Variants in LRRC37A2 observed in about 807,000 individuals in gnomAD.
The protein encoded by LRRC37A2 is leucine-rich repeat-containing protein 37A2.
In LRRC37A2, 9 loss-of-function variants were observed where a neutral mutation model predicts 68.8. The ratio of observed to expected loss-of-function variants is 0.13; its 90% confidence interval spans 0.08 to 0.23. The LOEUF (loss-of-function observed/expected upper bound fraction) is 0.23. Ranked by LOEUF, LRRC37A2 falls within the 10% of genes least tolerant of loss-of-function variation. The pLI is 1.00. For synonymous variants in LRRC37A2, 63 were observed against 367.6 expected (o/e 0.17, Z 9.48); for missense variants, 168 against 950.4 (o/e 0.18, Z 10.82).
the LRRC37A2 span, chr17:46,940,093 C>G: frequency 6.2e-5 from 71 of 1,141,024 alleles, no homozygotes; most frequent in African/African-American, 1.1e-3. Flanking sequence ...GTCTTATTTC[C>G]CTTCCTTTCT....
the LRRC37A2 span, among the ~76,000 whole-genome samples, chr17:47,028,678 T>A: frequency 6.6e-6 from 1 of 151,938 alleles, no homozygotes; most frequent in Admixed American, 6.6e-5. Flanking sequence ...GGAGCCGAGG[T>A]GGGTGGATCA....
chr17:46,762,099 C>A, the LRRC37A2 span, among the ~76,000 whole-genome samples: 1 of 152,204 alleles, frequency 6.6e-6, no homozygotes, highest in Non-Finnish European at 1.5e-5. Flanking sequence ...TAGAGAAAAT[C>A]CTATTTTCCC....
the LRRC37A2 span, among the ~76,000 whole-genome samples, chr17:46,771,377 G>A: frequency 1.3e-5 from 2 of 151,734 alleles, no homozygotes; most frequent in African/African-American, 2.4e-5. Flanking sequence ...CGGGGAAGAG[G>A]GGCCGAGGGC....
At chr17:46,727,683 G>A in the LRRC37A2 span, among the ~76,000 whole-genome samples, 1 of 152,084 alleles carries the variant, frequency 6.6e-6, no homozygotes, top group Non-Finnish European at 1.5e-5. Flanking sequence ...CCCAGTTTAT[G>A]GGATGATTTC....
the LRRC37A2 span, among the ~76,000 whole-genome samples, chr17:46,379,794 TTTG>T: frequency 3.7e-5 from 2 of 54,156 alleles, no homozygotes; most frequent in East Asian, 5.8e-4. Flanking sequence ...CTATGCCTAA[TTTG>T]TTGAGAGTTT....
chr17:46,738,793 G>C, the LRRC37A2 span, among the ~76,000 whole-genome samples: 4 of 152,232 alleles, frequency 2.6e-5, no homozygotes, highest in Non-Finnish European at 5.9e-5. Flanking sequence ...TTCATGAGCT[G>C]TTCATACAGT....
chr17:46,755,638 G>T, the LRRC37A2 span: 2 of 755,910 alleles, frequency 2.6e-6, no homozygotes, highest in African/African-American at 1.8e-5. Flanking sequence ...GCATGGAGCT[G>T]TGACCATTTT....
downstream of LRRC37A2, among the ~76,000 whole-genome samples, chr17:46,558,015 G>T (rs1223126377): frequency 1.5e-5 from 2 of 137,120 alleles, no homozygotes; most frequent in Non-Finnish European, 3.1e-5. Context: ...CATTGAAAAA[G>T]GCTGCCAGAG....
chr17:46,749,647 G>GT, the LRRC37A2 span: 70 of 845,862 alleles, frequency 8.3e-5, no homozygotes, highest in African/African-American at 1.1e-3. Context: ...GTTTTCTTCT[G>GT]TTTTGCCTAA....
At chr17:46,522,675 A>G (rs1380957651) in intron 4 of LRRC37A2, among the ~76,000 whole-genome samples, 1 of 51,052 alleles carries the variant, frequency 2.0e-5, no homozygotes, top group African/African-American at 9.2e-5. Flanking sequence ...CGATATCCTG[A>G]CCTCAGGATC....
the LRRC37A2 span, among the ~76,000 whole-genome samples, chr17:46,490,741 C>T: frequency 6.7e-6 from 1 of 149,872 alleles, no homozygotes; most frequent in African/African-American, 2.5e-5. Flanking sequence ...AAAAAAAAAC[C>T]TTTACATTTT....
chr17:47,012,696 G>C, the LRRC37A2 span, among the ~76,000 whole-genome samples: 3 of 152,186 alleles, frequency 2.0e-5, no homozygotes, highest in Non-Finnish European at 4.4e-5. Flanking sequence ...ACACCCACTA[G>C]GAGAACTTTT....
the LRRC37A2 span, among the ~76,000 whole-genome samples, chr17:46,730,910 A>G: frequency 6.6e-6 from 1 of 152,302 alleles, no homozygotes; most frequent in East Asian, 1.9e-4. Context: ...AAGTCAGGTA[A>G]TGACAAGCGC....
At chr17:46,967,896 C>T in the LRRC37A2 span, among the ~76,000 whole-genome samples, 1 of 152,142 alleles carries the variant, frequency 6.6e-6, no homozygotes, top group African/African-American at 2.4e-5. Flanking sequence ...AGAGCTTAAG[C>T]AGGGAGGTGG....
chr17:46,454,184 TG>T, the LRRC37A2 span, among the ~76,000 whole-genome samples: 1 of 104,868 alleles, frequency 9.5e-6, no homozygotes, highest in African/African-American at 3.5e-5. Context: ...TCATTGCAAA[TG>T]TATTTTTTTT....
At chr17:46,979,452 C>A in the LRRC37A2 span, among the ~76,000 whole-genome samples, 2 of 152,218 alleles carry the variant, frequency 1.3e-5, no homozygotes, top group East Asian at 3.9e-4. Context: ...AACTCCACCC[C>A]CTCCTGGCAC....
chr17:46,852,057 T>C, the LRRC37A2 span, among the ~76,000 whole-genome samples: 1 of 152,186 alleles, frequency 6.6e-6, no homozygotes, highest in Admixed American at 6.5e-5. Flanking sequence ...TCAGTCCCGC[T>C]CTCTGATGCC....
At chr17:46,941,035 G>A in the LRRC37A2 span, 1 of 1,091,990 alleles carries the variant, frequency 9.2e-7, no homozygotes, top group Non-Finnish European at 1.1e-6. Flanking sequence ...CTTAGGTCGA[G>A]CTGATGCAAG....
the LRRC37A2 span, among the ~76,000 whole-genome samples, chr17:46,766,265 G>A: frequency 1.1e-4 from 16 of 152,096 alleles, no homozygotes; most frequent in Admixed American, 6.6e-4. Context: ...AAAATTAGCC[G>A]ATCGTGGTGG....
Sources: allele counts gnomAD v4.1 joint callset (sites outside exome capture counted in the v4.1 genomes callset), GRCh38; gene constraint gnomAD v4.1.1; transcripts MANE v1.5; gene names NCBI Gene and HGNC (gene_info 2026-07-23, HGNC 2026-07-21).